The following LDB2 variants were observed in gnomAD, a reference collection of about 807,000 sequenced individuals.
LDB2 encodes the protein LIM domain-binding protein 2.
LDB2 carries 12 observed loss-of-function variants against 44.3 expected under a neutral mutation model. The ratio of observed to expected loss-of-function variants is 0.27; its 90% confidence interval spans 0.17 to 0.44. The LOEUF (loss-of-function observed/expected upper bound fraction) is 0.44, where lower values mean the gene tolerates loss of function less well. Ranked by LOEUF, LDB2 falls within the 20% of genes least tolerant of loss-of-function variation. The pLI is 1.00. For synonymous variants in LDB2, 164 were observed against 174.8 expected (o/e 0.94, Z 0.49); for missense variants, 344 against 473.5 (o/e 0.73, Z 2.54).
chr4:16,565,806 A>G (rs1744301118), intron 5 of LDB2, among the ~76,000 whole-genome samples: 1 of 152,078 alleles, frequency 6.6e-6, no homozygotes. Context: ...TAAAATTAAC[A>G]TATAGAAGTC....
At chr4:16,555,830 C>G (rs765156047) in intron 5 of LDB2, among the ~76,000 whole-genome samples, 1 of 152,180 alleles carries the variant, frequency 6.6e-6, no homozygotes, top group Non-Finnish European at 1.5e-5. Context: ...AATACATGCT[C>G]TGTGTCATCT....
chr4:16,749,579 A>T (rs893153530), intron 2 of LDB2, among the ~76,000 whole-genome samples: 2,501 of 123,942 alleles, frequency 0.02, 66 homozygotes, highest in East Asian at 0.19. Flanking sequence ...AAAATAAAAA[A>T]ATAAAAAAAA....
intron 2 of LDB2, among the ~76,000 whole-genome samples, chr4:16,735,060 T>C (rs569562701): frequency 1.2e-3 from 175 of 152,158 alleles, no homozygotes; most frequent in African/African-American, 3.9e-3. Context: ...ATCACATGGG[T>C]ACAAAAGAAA....
intron 5 of LDB2, among the ~76,000 whole-genome samples, chr4:16,525,261 C>T (rs1252240030): frequency 1.3e-5 from 2 of 152,168 alleles, no homozygotes; most frequent in African/African-American, 4.8e-5. Flanking sequence ...TCTTCTCTCT[C>T]TTGGTTCTGG....
chr4:16,831,021 G>A lies in LDB2; in HGVS notation c.132+67333C>T, dbSNP rs1580064445. On this transcript the variant is annotated intron_variant, in intron 1 of 7. Transcript: ENST00000304523. Reference sequence around the variant, plus strand: ...TGCCTTTTCTCAGAAAGAGCTGACTGTGTCCATGGAATCTATTATTGAGCA... The same window carrying A: ...TGCCTTTTCTCAGAAAGAGCTGACTATGTCCATGGAATCTATTATTGAGCA... Among the ~76,000 whole-genome samples, 4 of 152,244 alleles carry A rather than the reference G, an allele frequency of 2.6e-5. No individual in the cohort carries two copies. The Middle Eastern group carries it at 0.01, about 388-fold the overall frequency.
At chr4:16,776,542 C>G (rs1244743766) in intron 1 of LDB2, among the ~76,000 whole-genome samples, 3 of 152,222 alleles carry the variant, frequency 2.0e-5, no homozygotes, top group African/African-American at 7.2e-5. Context: ...TTACCTAGGA[C>G]TCTGAATTCA....
At chr4:16,641,444 G>T (rs987370785) in intron 2 of LDB2, among the ~76,000 whole-genome samples, 1 of 152,120 alleles carries the variant, frequency 6.6e-6, no homozygotes, top group Non-Finnish European at 1.5e-5. Flanking sequence ...TCATGGCTCT[G>T]CAGGCTGTAT....
chr4:16,784,174 A>G (rs1773901330), intron 1 of LDB2, among the ~76,000 whole-genome samples: 2 of 152,270 alleles, frequency 1.3e-5, no homozygotes, highest in South Asian at 2.1e-4. Flanking sequence ...CACATAGGCA[A>G]AAGTGATCCA....
intron 1 of LDB2, among the ~76,000 whole-genome samples, chr4:16,760,676 A>T (rs1767707817): frequency 6.6e-6 from 1 of 152,180 alleles, no homozygotes; most frequent in Non-Finnish European, 1.5e-5. Context: ...AAGGGCTTAA[A>T]GCCCACTAGC....
chr4:16,892,492 T>C (rs925986308), intron 1 of LDB2, among the ~76,000 whole-genome samples: 1 of 152,272 alleles, frequency 6.6e-6, no homozygotes, highest in Non-Finnish European at 1.5e-5. Flanking sequence ...AAGGTATTTG[T>C]AGTATCTACA....
intron 1 of LDB2, among the ~76,000 whole-genome samples, chr4:16,819,092 TTG>T (rs34553159): frequency 0.3 from 44,237 of 148,516 alleles, 6,698 homozygotes; most frequent in South Asian, 0.39. Flanking sequence ...TTGTGGTTGC[TTG>T]TGTGTGTGTG....
chr4:16,584,038 G>C (rs974156161), intron 5 of LDB2, among the ~76,000 whole-genome samples: 1 of 152,200 alleles, frequency 6.6e-6, no homozygotes, highest in Non-Finnish European at 1.5e-5. Context: ...CGACGCACAA[G>C]TCAGGAAATA....
At chr4:16,686,689 A>G (rs934884006) in intron 2 of LDB2, among the ~76,000 whole-genome samples, 4 of 152,218 alleles carry the variant, frequency 2.6e-5, no homozygotes, top group African/African-American at 4.8e-5. Context: ...ACATGGTTAC[A>G]GAGCCTAGGA....
intron 5 of LDB2, among the ~76,000 whole-genome samples, chr4:16,539,024 A>G (rs966689793): frequency 2.6e-5 from 4 of 152,150 alleles, no homozygotes; most frequent in African/African-American, 7.2e-5. Context: ...TCAGTCCCCA[A>G]TCTTAAGATG....
chr4:16,890,472 C>T (rs757567638), intron 1 of LDB2, among the ~76,000 whole-genome samples: 11 of 152,272 alleles, frequency 7.2e-5, no homozygotes, highest in Non-Finnish European at 1.3e-4. Context: ...AAATCCTTAA[C>T]GCTAAGCCTC....
chr4:16,603,602 T>C (rs1036676295), intron 2 of LDB2, among the ~76,000 whole-genome samples: 2 of 152,212 alleles, frequency 1.3e-5, no homozygotes, highest in South Asian at 4.1e-4. Flanking sequence ...GTAGTTTACG[T>C]CTGACAGATT....
At chr4:16,565,822 C>G (rs529970118) in intron 5 of LDB2, among the ~76,000 whole-genome samples, 1 of 151,944 alleles carries the variant, frequency 6.6e-6, no homozygotes, top group Non-Finnish European at 1.5e-5. Flanking sequence ...AAGTCAATAA[C>G]TTTCGTAAGT....
At chr4:16,685,686 C>T (rs1455043290) in intron 2 of LDB2, among the ~76,000 whole-genome samples, 1 of 152,124 alleles carries the variant, frequency 6.6e-6, no homozygotes, top group East Asian at 1.9e-4. Context: ...CACTATTATC[C>T]TAACATCACA....
chr4:16,753,786 G>A (rs1166906881), intron 2 of LDB2, among the ~76,000 whole-genome samples: 1 of 152,132 alleles, frequency 6.6e-6, no homozygotes, highest in East Asian at 1.9e-4. Flanking sequence ...GGGACCCCTA[G>A]CCCCAAACCA....
Sources: allele counts gnomAD v4.1 joint callset (sites outside exome capture counted in the v4.1 genomes callset), GRCh38; gene constraint gnomAD v4.1.1; transcripts MANE v1.5; gene names NCBI Gene and HGNC (gene_info 2026-07-23, HGNC 2026-07-21).